Variants in FBXL17 observed in about 807,000 individuals in gnomAD.
FBXL17 encodes the protein F-box and leucine rich repeat protein 17.
In FBXL17, 22 loss-of-function variants were observed where a neutral mutation model predicts 66.2. That is an observed-to-expected ratio of 0.33 (90% CI 0.24 to 0.47). The LOEUF (loss-of-function observed/expected upper bound fraction) is 0.47. FBXL17 is among the 20% of genes least tolerant of loss of function. FBXL17 has a pLI of 1.00. For missense variants in FBXL17, 878 were observed against 948.2 expected, an observed-to-expected ratio of 0.93 and a Z score of 0.97; for synonymous variants, 474 against 400.5, an observed-to-expected ratio of 1.18 and a Z score of -2.19.
chr5:107,965,418 A>G (rs1752086192), intron 7 of FBXL17, among the ~76,000 whole-genome samples: 1 of 152,164 alleles, frequency 6.6e-6, no homozygotes, highest in African/African-American at 2.4e-5. Flanking sequence ...AATACCTATT[A>G]TAACAATGCC....
At chr5:108,245,599 A>G (rs985560414) in intron 4 of FBXL17, among the ~76,000 whole-genome samples, 1 of 152,216 alleles carries the variant, frequency 6.6e-6, no homozygotes, top group African/African-American at 2.4e-5. Context: ...AGGTTCTCCA[A>G]TAATGGGAAG....
At chr5:107,936,332 C>T (rs1325079570) in intron 7 of FBXL17, among the ~76,000 whole-genome samples, 2 of 152,046 alleles carry the variant, frequency 1.3e-5, no homozygotes, top group Non-Finnish European at 2.9e-5. Context: ...GGCAAGGTAT[C>T]AATTCTCTGT....
At chr5:108,239,078 C>T (rs1755736259) in intron 4 of FBXL17, among the ~76,000 whole-genome samples, 1 of 151,528 alleles carries the variant, frequency 6.6e-6, no homozygotes, top group Non-Finnish European at 1.5e-5. Flanking sequence ...TTTTTAGAGA[C>T]AGTGTCACAC....
chr5:108,014,589 A>G (rs962614861), intron 7 of FBXL17, among the ~76,000 whole-genome samples: 2 of 152,178 alleles, frequency 1.3e-5, no homozygotes, highest in Admixed American at 1.3e-4. Context: ...CTTTTATTTC[A>G]AGGTTACTTA....
At chr5:108,049,852 G>A (rs1747403420) in intron 6 of FBXL17, among the ~76,000 whole-genome samples, 1 of 152,164 alleles carries the variant, frequency 6.6e-6, no homozygotes, top group African/African-American at 2.4e-5. Context: ...CATCTCACAT[G>A]CAAAGACACA....
chr5:108,210,751 T>G (rs867074976), intron 5 of FBXL17, among the ~76,000 whole-genome samples: 11 of 152,308 alleles, frequency 7.2e-5, no homozygotes, highest in African/African-American at 2.6e-4. Flanking sequence ...AATTTTAGAA[T>G]AAGTGCAGTG....
intron 7 of FBXL17, among the ~76,000 whole-genome samples, chr5:107,969,064 C>A (rs1752261003): frequency 6.6e-6 from 1 of 152,166 alleles, no homozygotes; most frequent in African/African-American, 2.4e-5. Flanking sequence ...TACTGGAAAT[C>A]AGCCATGTTC....
At position 108,293,098 on chromosome 5, in the gene FBXL17, C is replaced by CA. The variant is rs1390083749; in HGVS notation, c.1506+55300dup. 1.9e-3 allele frequency among the ~76,000 whole-genome samples: 175 copies of CA among 92,534 alleles called. 1 individual carries two copies. The highest frequency in any genetic ancestry group is 5.1e-3 in the East Asian group (16 of 3,134). 60.7% of individuals were successfully genotyped at this position (92,534 alleles called of 152,430 possible). On this transcript the variant is annotated intron_variant, in intron 4 of 8. Transcript: ENST00000542267. ...GCAAGACTCTGTCTCAAAAAAAAAA[C>CA]AAAAAAAAAAAAACAAAAAAAAACT...
intron 5 of FBXL17, among the ~76,000 whole-genome samples, chr5:108,205,950 ACT>A (rs1314711171): frequency 6.6e-6 from 1 of 151,918 alleles, no homozygotes; most frequent in East Asian, 1.9e-4. Context: ...GATGCTGTGT[ACT>A]CTCTACTGCA....
At chr5:107,949,983 T>A (rs1267991951) in intron 7 of FBXL17, among the ~76,000 whole-genome samples, 1 of 152,200 alleles carries the variant, frequency 6.6e-6, no homozygotes, top group Non-Finnish European at 1.5e-5. Context: ...CCATCTCACA[T>A]AACTTTCTGC....
At chr5:108,255,767 CA>C (rs1212409329) in intron 4 of FBXL17, among the ~76,000 whole-genome samples, 2 of 151,760 alleles carry the variant, frequency 1.3e-5, no homozygotes, top group East Asian at 3.9e-4. Context: ...CACAGGTACT[CA>C]AAAAAACATT....
chr5:108,259,214 G>C (rs1161642221), intron 4 of FBXL17, among the ~76,000 whole-genome samples: 1 of 152,106 alleles, frequency 6.6e-6, no homozygotes, highest in Non-Finnish European at 1.5e-5. Context: ...CAGGTACAAA[G>C]AAACTATGTT....
At position 108,380,689 on chromosome 5, in the gene FBXL17, C is replaced by T; in HGVS notation, c.993+10G>A. ...AAGCGAGCATCCCTGCGCCTCTCGCCCAGACCCACCTTGAGCAGGATGGAC... is the reference window on the plus strand; with the variant it reads ...AAGCGAGCATCCCTGCGCCTCTCGCTCAGACCCACCTTGAGCAGGATGGAC... On this transcript the variant is annotated intron_variant, in intron 1 of 8. Transcript: ENST00000542267. The T allele has an allele frequency of 3.2e-6, 4 of 1,248,522 alleles. No homozygotes were observed. The highest frequency in any genetic ancestry group is 4.0e-6 in the Non-Finnish European group (4 of 988,456). The allele number at this position is 1,248,522 out of a possible 1,614,324, so 77.3% of individuals were successfully genotyped here. A position where few individuals can be genotyped will look rare whatever the true frequency, so the allele number is the denominator to read the frequency against.
chr5:107,997,052 T>C (rs1753502030), intron 7 of FBXL17, among the ~76,000 whole-genome samples: 2 of 152,162 alleles, frequency 1.3e-5, no homozygotes, highest in Non-Finnish European at 2.9e-5. Context: ...TGTCTCCTGG[T>C]CCCTTTGCAC....
intron 6 of FBXL17, among the ~76,000 whole-genome samples, chr5:108,170,466 T>G (rs1752565985): frequency 6.6e-6 from 1 of 152,176 alleles, no homozygotes; most frequent in Non-Finnish European, 1.5e-5. Flanking sequence ...TTTCTATATG[T>G]GGAGTTTTTG....
intron 6 of FBXL17, among the ~76,000 whole-genome samples, chr5:108,042,257 T>C (rs1335082164): frequency 1.3e-5 from 2 of 152,180 alleles, no homozygotes; most frequent in East Asian, 1.9e-4. Context: ...TTGAAAGACG[T>C]AGAGAGAGCC....
intron 6 of FBXL17, among the ~76,000 whole-genome samples, chr5:108,143,514 C>T (rs1214937133): frequency 1.3e-5 from 2 of 152,102 alleles, no homozygotes; most frequent in African/African-American, 4.8e-5. Flanking sequence ...ACTCAGTCTT[C>T]TGATTCTACC....
chr5:108,009,282 T>TAGAGATAGATAGATAGATAGATAG (rs1216444049), intron 7 of FBXL17, among the ~76,000 whole-genome samples: 1 of 54,796 alleles, frequency 1.8e-5, no homozygotes, highest in South Asian at 4.7e-4. Flanking sequence ...TATATATATA[T>TAGAGATAGATAGATAGATAGATAG]ATATATATAT....
chr5:108,094,063 T>C (rs1749281310), intron 6 of FBXL17, among the ~76,000 whole-genome samples: 1 of 152,124 alleles, frequency 6.6e-6, no homozygotes, highest in Non-Finnish European at 1.5e-5. Flanking sequence ...CACCTCCACA[T>C]AGTGTGCTCT....
Sources: gnomAD v4.1 joint callset for allele counts (sites outside exome capture counted in the v4.1 genomes callset) on GRCh38, gnomAD v4.1.1 for gene constraint, MANE v1.5 for transcripts, NCBI Gene and HGNC (gene_info 2026-07-23, HGNC 2026-07-21) for gene names.